The following ZIM2 variants were observed in gnomAD, a reference collection of about 807,000 sequenced individuals.
ZIM2 encodes the protein zinc finger imprinted 2, also known as zinc finger protein 656.
A neutral mutation model predicts 38.6 loss-of-function variants in ZIM2; 14 were observed. That is an observed-to-expected ratio of 0.36 (90% CI 0.24 to 0.57). The LOEUF is 0.57. ZIM2 is among the 20% of genes least tolerant of loss of function. ZIM2 has a pLI of 0.81. For missense variants in ZIM2, 680 were observed against 695.1 expected (o/e 0.98, Z 0.24); for synonymous variants, 247 against 245.8 (o/e 1.00, Z -0.04).
intron 9 of ZIM2, chr19:56,817,502 T>C (rs1362407666): frequency 1.2e-6 from 2 of 1,612,484 alleles, no homozygotes; most frequent in Admixed American, 1.7e-5. Context: ...TTTTCCATTA[T>C]CACTCCGTGG....
intron 9 of ZIM2, among the ~76,000 whole-genome samples, chr19:56,808,648 G>A (rs1043384319): frequency 2.6e-5 from 4 of 152,096 alleles, no homozygotes; most frequent in Non-Finnish European, 5.9e-5. Flanking sequence ...TGCAGACAGT[G>A]TATGTTCATT....
rs968710615 is a variant in ZIM2, at chr19:56,840,571, G to A, written c.-314+11C>T. 7 of 152,338 alleles carry A rather than the reference G, an allele frequency of 4.6e-5. No homozygotes were observed. The highest frequency in any genetic ancestry group is 1.4e-4 in the African/African-American group (6 of 41,470). 9.4% of individuals were successfully genotyped at this position (152,338 alleles called of 1,614,324 possible). A position where few individuals can be genotyped will look rare whatever the true frequency, so the allele number is the denominator to read the frequency against. ...GCAGGAGGCGCGCGGGGCGGCCGAAGGCGCACTCACCTCACCTCAGTGCTG... is the reference window on the plus strand; with the variant it reads ...GCAGGAGGCGCGCGGGGCGGCCGAAAGCGCACTCACCTCACCTCAGTGCTG... On this transcript the variant is annotated intron_variant, in intron 1 of 12. Coordinates refer to ENST00000629319, the MANE Select transcript of ZIM2 (RefSeq NM_001387356.1).
At chr19:56,779,345 C>CTTACACCCCGGG (rs749693177) in intron 12 of ZIM2, 32 bp downstream of exon 12, 5 of 1,610,078 alleles carry the variant, frequency 3.1e-6, no homozygotes, top group Middle Eastern at 1.7e-4. Context: ...GGTTCCCCCT[C>CTTACACCCCGGG]CTACACCCCG....
chr19:56,809,859 A>G (rs553466385), intron 9 of ZIM2, among the ~76,000 whole-genome samples: 81 of 152,236 alleles, frequency 5.3e-4, no homozygotes, highest in Non-Finnish European at 1.0e-3. Flanking sequence ...TTGTTGGAAC[A>G]TATGTTTTAG....
chr19:56,818,767 T>C (rs2060210482), intron 7 of ZIM2, 65 bp from the exon 8 acceptor site: 2 of 1,566,916 alleles, frequency 1.3e-6, no homozygotes, highest in East Asian at 2.2e-5. Context: ...GACAGAATAA[T>C]GTTGGCAACA....
intron 2 of ZIM2, among the ~76,000 whole-genome samples, chr19:56,828,135 CG>C (rs2061237427): frequency 6.6e-6 from 1 of 152,096 alleles, no homozygotes; most frequent in African/African-American, 2.4e-5. Context: ...TGCAGGCAGC[CG>C]TAACATCTTT....
At chr19:56,831,012 C>G (rs984137582) in intron 2 of ZIM2, among the ~76,000 whole-genome samples, 1 of 151,958 alleles carries the variant, frequency 6.6e-6, no homozygotes, top group African/African-American at 2.4e-5. Flanking sequence ...CATAAAGACA[C>G]GTGTATCACA....
chr19:56,782,226 C>T (rs2046364023), intron 10 of ZIM2, 105 bp from the exon 11 acceptor site: 1 of 1,435,664 alleles, frequency 7.0e-7, no homozygotes, highest in African/African-American at 1.4e-5. Context: ...GAGCCACAGG[C>T]ACCTGGCATT....
rs370399241 is a variant in ZIM2, at chr19:56,824,291, T to C, written c.-14A>G. 2.5e-6 allele frequency: 4 copies of C among 1,613,934 alleles called. No individual in the cohort carries two copies. Among genetic ancestry groups the C allele is most frequent in the Non-Finnish European group, 3.4e-6 (4 of 1,180,038 alleles). ...TGGTTGGTACATCTCCTTGTAATTC[T>C]CCAGCAGAGTGACGAGCTTCTCACA... On this transcript the variant is annotated 5_prime_UTR_variant, in exon 4 of 13. Transcript: ENST00000629319.
In ZIM2 at chr19:56,814,655, T is replaced by C. The variant is rs1420647135; in HGVS notation, c.490+3091A>G. On this transcript the variant is annotated intron_variant, in intron 9 of 12. Transcript: ENST00000629319. The surrounding 1 kb of genome is among the most constrained non-coding windows in gnomAD (Gnocchi z 5.8). ...TCAGTGAGGGCTAAGCCTGGAATGA[T>C]AGCTTCCTCAGCCATCTGGCTCTGC... 11 of 1,614,074 alleles carry C rather than the reference T, an allele frequency of 6.8e-6. No individual in the cohort carries two copies. Among genetic ancestry groups the C allele is most frequent in the Middle Eastern group, 1.6e-4 (1 of 6,084 alleles).
At position 56,782,061 on chromosome 19, in the gene ZIM2, C is replaced by A; in HGVS notation, c.631G>T (p.Asp211Tyr). The A allele has an allele frequency of 6.2e-7, 1 of 1,614,002 alleles. No individual in the cohort carries two copies. The highest frequency in any genetic ancestry group is 8.5e-7 in the Non-Finnish European group (1 of 1,179,904). ...TCTGGGCTGAAGTCCACAAGCACAT[C>A]CTCGAAGGTCACCAACTCCTCAAAC... Reference protein sequence around the residue: ...LVFEELVTFEDVLVDFSPEEL... With the variant: ...LVFEELVTFEYVLVDFSPEEL... The change falls in exon 11 of 13, where the codon GAT (aspartate) becomes TAT (tyrosine). Residue 211 changes from aspartate (D) to tyrosine (Y), a missense_variant. Asp to Tyr is a radical substitution (Grantham distance 160). Transcript: ENST00000629319.
chr19:56,813,710 A>G, intron 9 of ZIM2: 2 of 1,614,010 alleles, frequency 1.2e-6, no homozygotes, highest in Non-Finnish European at 1.7e-6. Context: ...CTGGCGAGGG[A>G]CAGGCGGTCA....
At chr19:56,829,219 C>A (rs1322652313) in intron 2 of ZIM2, among the ~76,000 whole-genome samples, 1 of 151,624 alleles carries the variant, frequency 6.6e-6, no homozygotes, top group Non-Finnish European at 1.5e-5. Flanking sequence ...GGCGTGGTGG[C>A]AGTAATCCCA....
chr19:56,828,789 A>T (rs1476917933), intron 2 of ZIM2, among the ~76,000 whole-genome samples: 1 of 152,252 alleles, frequency 6.6e-6, no homozygotes, highest in Non-Finnish European at 1.5e-5. Context: ...AAGGCCGGTT[A>T]CTTAACATCA....
chr19:56,813,766 G>C lies in ZIM2; in HGVS notation c.490+3980C>G, dbSNP rs749784375. ...GTCACATTTGAAGTACTTCTCATCA[G>C]CTTGATTGGCACCACCTGTGCTGGT... is the stretch of plus-strand genomic sequence containing the variant. On this transcript the variant is annotated intron_variant, in intron 9 of 12. Coordinates refer to ENST00000629319, the MANE Select transcript of ZIM2 (RefSeq NM_001387356.1). The C allele has an allele frequency of 1.2e-6, 2 of 1,613,982 alleles. No homozygotes were observed. The highest frequency in any genetic ancestry group is 1.7e-6 in the Non-Finnish European group (2 of 1,180,030).
chr19:56,821,898 T>C, intron 6 of ZIM2, 144 bp from the exon 7 acceptor site: 1 of 848,424 alleles, frequency 1.2e-6, no homozygotes, highest in Non-Finnish European at 1.8e-6. Context: ...TGTGGCAGCC[T>C]CTGAGGAGTC....
chr19:56,786,187 G>T (rs1305777486), intron 10 of ZIM2, among the ~76,000 whole-genome samples: 1 of 152,170 alleles, frequency 6.6e-6, no homozygotes, highest in African/African-American at 2.4e-5. Context: ...TGTATGTACT[G>T]TATGTATGTC....
At chr19:56,817,994 C>T (rs539634321) in intron 8 of ZIM2, among the ~76,000 whole-genome samples, 156 bp from the exon 9 acceptor site, 1 of 152,326 alleles carries the variant, frequency 6.6e-6, no homozygotes, top group South Asian at 2.1e-4. Context: ...CATTTCCCTA[C>T]TATCTATTCC....
At position 56,814,592 on chromosome 19, in the gene ZIM2, A is replaced by G. The variant is rs1227918487; in HGVS notation, c.490+3154T>C. 4 of 1,614,100 alleles carry G rather than the reference A, an allele frequency of 2.5e-6. No individual in the cohort carries two copies. Among genetic ancestry groups the G allele is most frequent in the Non-Finnish European group, 3.4e-6 (4 of 1,179,994 alleles). On this transcript the variant is annotated intron_variant, in intron 9 of 12. Coordinates refer to ENST00000629319, the MANE Select transcript of ZIM2 (RefSeq NM_001387356.1). The surrounding 1 kb of genome is among the most constrained non-coding windows in gnomAD (Gnocchi z 5.8). ...ACGAAAGATTCTCCACAGACTGCAC[A>G]TTCAAAGAGTCTCTCTTCGGTCTGA...
Sources: gnomAD v4.1 joint callset for allele counts (sites outside exome capture counted in the v4.1 genomes callset) on GRCh38, gnomAD v4.1.1 for gene constraint, Gnocchi (gnomAD v3.1) non-coding constraint, MANE v1.5 for transcripts, NCBI Gene and HGNC (gene_info 2026-07-23, HGNC 2026-07-21) for gene names.